Variants in PRDM12 observed in about 807,000 individuals in gnomAD.
PRDM12 encodes PR domain zinc finger protein 12.
In PRDM12, 17 loss-of-function variants were observed where a neutral mutation model predicts 29.6. The ratio of observed to expected loss-of-function variants is 0.57; its 90% confidence interval spans 0.39 to 0.86. The LOEUF is 0.86. Ranked by LOEUF, PRDM12 falls within the 40% of genes least tolerant of loss-of-function variation. The pLI, the probability that PRDM12 is intolerant of heterozygous loss-of-function variation, is 0.00. For synonymous variants in PRDM12, 231 were observed against 225.8 expected (o/e 1.02, Z -0.21); for missense variants, 422 against 510.8 (o/e 0.83, Z 1.68).
Position 130,666,671 on chromosome 9 carries a change from C to T in PRDM12, c.287C>T (p.Pro96Leu), listed in dbSNP as rs1830735869. The part of the protein sequence containing the change: ...AEVIIAQSSI[P>L]GEGLGIFSKT... ...GTGATCATCGCTCAGAGCTCCATCC[C>T]TGGCGAGGGCCTCGGCATCTTCTCC... The change falls in exon 2 of 5, where the codon CCT becomes CTT. Residue 96 changes from proline to leucine, a missense_variant. By Grantham distance (98) the Pro-to-Leu change is moderately conservative (BLOSUM62 -3). Coordinates refer to ENST00000253008, the MANE Select transcript of PRDM12 (RefSeq NM_021619.3). 2 of 1,613,346 alleles carry T rather than the reference C, an allele frequency of 1.2e-6. No individual in the cohort carries two copies. Among genetic ancestry groups the T allele is most frequent in the African/African-American group, 1.3e-5 (1 of 74,900 alleles).
Position 130,668,360 on chromosome 9 carries a change from C to A in PRDM12, c.570+47C>A, listed in dbSNP as rs1272475174. The A allele has an allele frequency of 6.2e-7, 1 of 1,605,298 alleles. No homozygotes were observed. The highest frequency in any genetic ancestry group is 8.5e-7 in the Non-Finnish European group (1 of 1,173,966). On this transcript the variant is annotated intron_variant, in intron 3 of 4. Transcript: ENST00000253008. This position sits in a 1 kb window ranked among gnomAD's most constrained non-coding sequence, Gnocchi z 4.0. Reference sequence around the variant, plus strand: ...GTTGTGTAGGGACCAGCCGGTAAACCCGGCGGGGGGAGGTGTGCAGGGCAG... The same window carrying A: ...GTTGTGTAGGGACCAGCCGGTAAACACGGCGGGGGGAGGTGTGCAGGGCAG...
At chr9:130,666,391 C>T (rs751645484) in intron 1 of PRDM12, among the ~76,000 whole-genome samples, 2 of 152,234 alleles carry the variant, frequency 1.3e-5, no homozygotes, top group Non-Finnish European at 2.9e-5. Context: ...CACTCGCTTT[C>T]CAGGGCACGG....
In PRDM12 at chr9:130,664,956, G is replaced by T. The variant is rs1017292215; in HGVS notation, c.223+80G>T. On this transcript the variant is annotated intron_variant, in intron 1 of 4. Transcript: ENST00000253008. This position sits in a 1 kb window ranked among gnomAD's most constrained non-coding sequence, Gnocchi z 6.4. The stretch of plus-strand genomic sequence containing the variant: ...CCGTCCTGGCGATGCGCGAGACGCG[G>T]CTGGGATACCCGGCCTCGCTGCTAC... 7 of 1,369,938 alleles carry T rather than the reference G, an allele frequency of 5.1e-6. No homozygotes were observed. In the Admixed American group the frequency reaches 1.2e-4, roughly 23 times the overall value. The allele number at this position is 1,369,938 out of a possible 1,614,324, so 84.9% of individuals were successfully genotyped here.
At chr9:130,672,727 G>A (rs1457339254) in intron 3 of PRDM12, among the ~76,000 whole-genome samples, 1 of 152,096 alleles carries the variant, frequency 6.6e-6, no homozygotes, top group African/African-American at 2.4e-5. Flanking sequence ...GGACATCTGT[G>A]GTACAATGGA....
rs188994800 is a variant in PRDM12 at position 130,667,144 on chromosome 9, C to A, written c.414+346C>A. On this transcript the variant is annotated intron_variant, in intron 2 of 4. Transcript: ENST00000253008. ...GCCATCCCTCCAGGCCTCTTCCCAG[C>A]CACTTACATTCTTTCCCTGGCCCCG... Among the ~76,000 whole-genome samples, 12 of 152,360 alleles carry A rather than the reference C, an allele frequency of 7.9e-5. No homozygotes were observed. In the East Asian group the frequency reaches 2.3e-3, roughly 29 times the overall value.
chr9:130,678,483 T>C, intron 3 of PRDM12, 46 bp from the exon 4 acceptor site: 1 of 1,441,026 alleles, frequency 6.9e-7, no homozygotes, highest in Non-Finnish European at 9.7e-7. Flanking sequence ...AACTCTCACC[T>C]CCCAGCTGCG....
In PRDM12 at chr9:130,682,724, C is replaced by T. The variant is rs1830917813; in HGVS notation, c.*1055C>T. 1 of 152,522 alleles carries T rather than the reference C, an allele frequency of 6.6e-6. No individual in the cohort carries two copies. Among genetic ancestry groups the T allele is most frequent in the Non-Finnish European group, 1.5e-5 (1 of 68,038 alleles). The allele number at this position is 152,522 out of a possible 1,614,324, so 9.4% of individuals were successfully genotyped here. On this transcript the variant is annotated 3_prime_UTR_variant, in exon 5 of 5. Coordinates refer to ENST00000253008, the MANE Select transcript of PRDM12 (RefSeq NM_021619.3). This position sits in a 1 kb window ranked among gnomAD's most constrained non-coding sequence, Gnocchi z 4.2. ...GTGCGCGCCCTCTGGTGTCGCCTCT[C>T]ACACTTTGCAGTCATTTACCAGGAT...
chr9:130,670,542 G>A (rs1175897579), intron 3 of PRDM12, among the ~76,000 whole-genome samples: 1 of 152,160 alleles, frequency 6.6e-6, no homozygotes, highest in East Asian at 1.9e-4. Flanking sequence ...GAGCACTGAA[G>A]GTAGCCCAGG....
chr9:130,681,549 C>T lies in PRDM12; in HGVS notation c.984C>T (p.Thr328=). Residue 328 remains threonine (T), a synonymous_variant, in exon 5 of 5, where the codon ACC becomes ACT. Transcript: ENST00000253008. This position sits in a 1 kb window ranked among gnomAD's most constrained non-coding sequence, Gnocchi z 8.1. ...QKSARHRPPS[T]ALQAHSPALP... is the part of the protein sequence containing the mutation. ...GCGCGCGGCACCGGCCGCCCAGCAC[C>T]GCGCTGCAGGCACACTCGCCCGCGC... 5 of 1,251,162 alleles carry T rather than the reference C, an allele frequency of 4.0e-6. No individual in the cohort carries two copies. The highest frequency in any genetic ancestry group is 5.0e-6 in the Non-Finnish European group (5 of 996,724). The allele number at this position is 1,251,162 out of a possible 1,614,324, so 77.5% of individuals were successfully genotyped here.
chr9:130,680,763 ATGTT>A (rs1564249464), intron 4 of PRDM12, among the ~76,000 whole-genome samples: 3 of 149,782 alleles, frequency 2.0e-5, no homozygotes, highest in African/African-American at 5.0e-5. Context: ...CATTCAGTAA[ATGTT>A]TGTGGGATGA....
intron 3 of PRDM12, among the ~76,000 whole-genome samples, chr9:130,669,162 C>A (rs2132592668): frequency 6.6e-6 from 1 of 151,704 alleles, no homozygotes; most frequent in Non-Finnish European, 1.5e-5. Flanking sequence ...CCCGTCTCTA[C>A]TAAAAATACA....
At chr9:130,670,889 A>G (rs1303601207) in intron 3 of PRDM12, among the ~76,000 whole-genome samples, 1 of 152,216 alleles carries the variant, frequency 6.6e-6, no homozygotes. Context: ...CTCGCTGTGC[A>G]GGTCACACTG....
intron 3 of PRDM12, among the ~76,000 whole-genome samples, chr9:130,675,813 G>A (rs915326450): frequency 1.3e-5 from 2 of 152,200 alleles, no homozygotes; most frequent in Non-Finnish European, 2.9e-5. Flanking sequence ...TGTGTTCAGT[G>A]GTCTGGGGGA....
intron 1 of PRDM12, among the ~76,000 whole-genome samples, chr9:130,666,372 C>G (rs773575541): frequency 2.0e-4 from 30 of 152,214 alleles, no homozygotes; most frequent in Non-Finnish European, 3.2e-4. Flanking sequence ...AAAATGATCC[C>G]CAACGCACCA....
chr9:130,674,171 T>C (rs1783817547), intron 3 of PRDM12, among the ~76,000 whole-genome samples: 1 of 151,792 alleles, frequency 6.6e-6, no homozygotes, highest in Non-Finnish European at 1.5e-5. Flanking sequence ...CATGCCACCA[T>C]ACCCAGCTAA....
chr9:130,681,866 GT>G lies in PRDM12; in HGVS notation c.*198del. The G allele has an allele frequency of 7.7e-6, 3 of 390,342 alleles. No homozygotes were observed. Among genetic ancestry groups the G allele is most frequent in the Non-Finnish European group, 1.0e-5 (3 of 285,990 alleles). 24.2% of individuals were successfully genotyped at this position (390,342 alleles called of 1,614,324 possible). A position where few individuals can be genotyped will look rare whatever the true frequency, so the allele number is the denominator to read the frequency against. On this transcript the variant is annotated 3_prime_UTR_variant, in exon 5 of 5. Transcript: ENST00000253008. This position sits in a 1 kb window ranked among gnomAD's most constrained non-coding sequence, Gnocchi z 8.1. ...CGCAGATGAGGACACTGAGGGCGGC[GT>G]CCCTCACCCAGGCCACGCAGCTGGT...
rs2132608132 is a variant in PRDM12 at position 130,681,385 on chromosome 9, C to A, written c.820C>A (p.Arg274Ser). 6.3e-7 allele frequency: 1 copy of A among 1,593,522 alleles called. No homozygotes were observed. The highest frequency in any genetic ancestry group is 8.5e-7 in the Non-Finnish European group (1 of 1,171,762). ...IHTLDKPFVC[R>S]FCNRRFSQSS... ...CACGCTGGACAAGCCCTTCGTGTGC[C>A]GCTTCTGCAACCGCCGCTTCAGCCA... Residue 274 changes from arginine to serine, a missense_variant, in exon 5 of 5, where the codon CGC (arginine) becomes AGC (serine). Arg to Ser is a moderately radical substitution (Grantham distance 110, BLOSUM62 -1). Coordinates refer to ENST00000253008, the MANE Select transcript of PRDM12 (RefSeq NM_021619.3). This position sits in a 1 kb window ranked among gnomAD's most constrained non-coding sequence, Gnocchi z 8.1.
chr9:130,668,057 G>C lies in PRDM12; in HGVS notation c.415-101G>C. ...AAAATGAAGCTTTATCCACTTCCTG[G>C]GGCTGTTGTGAGGATGGAGAGTGTG... On this transcript the variant is annotated intron_variant, in intron 2 of 4. Coordinates refer to ENST00000253008, the MANE Select transcript of PRDM12 (RefSeq NM_021619.3). The surrounding 1 kb of genome is among the most constrained non-coding windows in gnomAD (Gnocchi z 4.0). The C allele has an allele frequency of 7.1e-7, 1 of 1,409,238 alleles. No individual in the cohort carries two copies. Among genetic ancestry groups the C allele is most frequent in the Non-Finnish European group, 9.8e-7 (1 of 1,020,830 alleles). The allele number at this position is 1,409,238 out of a possible 1,614,324, so 87.3% of individuals were successfully genotyped here. A position where few individuals can be genotyped will look rare whatever the true frequency, so the allele number is the denominator to read the frequency against.
intron 1 of PRDM12, among the ~76,000 whole-genome samples, chr9:130,665,347 C>A (rs1466166745): frequency 1.3e-5 from 2 of 152,070 alleles, no homozygotes; most frequent in Non-Finnish European, 2.9e-5. Flanking sequence ...GAAAAAGCCG[C>A]GGGGAGAGCG....
Sources: allele counts gnomAD v4.1 joint callset (sites outside exome capture counted in the v4.1 genomes callset), GRCh38; gene constraint gnomAD v4.1.1; non-coding constraint Gnocchi (gnomAD v3.1); transcripts MANE v1.5; gene names NCBI Gene and HGNC (gene_info 2026-07-23, HGNC 2026-07-21).